Variants in RNLS observed in about 807,000 individuals in gnomAD.
RNLS encodes the protein renalase.
In RNLS, 39 loss-of-function variants were observed where a neutral mutation model predicts 39.8. The ratio of observed to expected loss-of-function variants is 0.98; its 90% CI spans 0.76 to 1.28. The LOEUF (loss-of-function observed/expected upper bound fraction) is 1.28, where lower values mean the gene tolerates loss of function less well. Among genes scored for constraint, RNLS ranks in the 50% most tolerant of loss-of-function variants. The pLI, the probability that RNLS is intolerant of heterozygous loss-of-function variation, is 0.00. For synonymous variants in RNLS, 147 were observed against 150.7 expected (o/e 0.98, Z 0.18); for missense variants, 410 against 413.3 (o/e 0.99, Z 0.07).
At chr10:88,360,125 C>T (rs1849521260) in intron 5 of RNLS, among the ~76,000 whole-genome samples, 1 of 152,200 alleles carries the variant, frequency 6.6e-6, no homozygotes, top group African/African-American at 2.4e-5. Context: ...CTTTACCTCC[C>T]ATATAAGATG....
intron 4 of RNLS, among the ~76,000 whole-genome samples, chr10:88,555,607 C>T (rs1261910024): frequency 6.6e-6 from 1 of 152,078 alleles, no homozygotes; most frequent in African/African-American, 2.4e-5. Context: ...CTTGTATAGC[C>T]CGCAGAACTG....
chr10:88,392,750 T>C (rs1386162111), intron 4 of RNLS, among the ~76,000 whole-genome samples: 1 of 152,150 alleles, frequency 6.6e-6, no homozygotes. Context: ...TTAGGAGACA[T>C]TCAAAGAAAC....
At chr10:88,522,253 T>C (rs1016634052) in intron 4 of RNLS, among the ~76,000 whole-genome samples, 10 of 152,078 alleles carry the variant, frequency 6.6e-5, no homozygotes, top group African/African-American at 2.2e-4. Flanking sequence ...TAAGCAGATG[T>C]TGAAGAAATA....
At chr10:88,495,932 T>G (rs1430293389) in intron 4 of RNLS, among the ~76,000 whole-genome samples, 2 of 152,068 alleles carry the variant, frequency 1.3e-5, no homozygotes, top group African/African-American at 4.8e-5. Context: ...CAGAACATAT[T>G]TGAAAAACTG....
intron 4 of RNLS, among the ~76,000 whole-genome samples, chr10:88,369,973 A>C (rs999559107): frequency 3.3e-5 from 5 of 152,188 alleles, no homozygotes; most frequent in Admixed American, 1.3e-4. Flanking sequence ...GGTGTGAGCC[A>C]GTGTGCCCAG....
the RNLS span, among the ~76,000 whole-genome samples, chr10:88,176,173 CTT>C: frequency 4.7e-4 from 69 of 146,968 alleles, no homozygotes; most frequent in East Asian, 2.6e-3. Context: ...CTTAGCCTAT[CTT>C]TTTTTTTTTT....
chr10:88,370,783 G>C (rs1850495360), intron 4 of RNLS, among the ~76,000 whole-genome samples: 1 of 152,148 alleles, frequency 6.6e-6, no homozygotes, highest in Non-Finnish European at 1.5e-5. Context: ...TCTCCTAGCA[G>C]ACCAGGAGAG....
chr10:88,246,528 G>A, the RNLS span, among the ~76,000 whole-genome samples: 1 of 149,340 alleles, frequency 6.7e-6, no homozygotes, highest in African/African-American at 2.4e-5. Context: ...TGCAGCAGTT[G>A]TTCTGAACTG....
intron 4 of RNLS, among the ~76,000 whole-genome samples, chr10:88,456,152 T>G (rs967900104): frequency 1.5e-4 from 23 of 152,304 alleles, no homozygotes; most frequent in African/African-American, 5.5e-4. Context: ...GTTATTTCCA[T>G]GCAATGTCTC....
At chr10:88,527,712 A>G (rs1297311241) in intron 4 of RNLS, among the ~76,000 whole-genome samples, 2 of 152,166 alleles carry the variant, frequency 1.3e-5, no homozygotes, top group Non-Finnish European at 1.5e-5. Flanking sequence ...TCCAGTTGGC[A>G]TTTTAGTTGT....
Position 88,284,970 on chromosome 10 carries a change from G to A in RNLS, c.*384C>T, listed in dbSNP as rs1332676403. The stretch of plus-strand genomic sequence containing the variant: ...ATCCGAAGACTTAAGATGGGGCTTT[G>A]ATAATGTGATTATTCTTTATTCAGA... On this transcript the variant is annotated 3_prime_UTR_variant, in exon 7 of 7. Transcript: ENST00000331772. 1 of 989,672 alleles carries A rather than the reference G, an allele frequency of 1.0e-6. No homozygotes were observed. The highest frequency in any genetic ancestry group is 1.2e-6 in the Non-Finnish European group (1 of 832,948). The allele number at this position is 989,672 out of a possible 1,614,324, so 61.3% of individuals were successfully genotyped here.
chr10:88,195,247 T>C, the RNLS span, among the ~76,000 whole-genome samples: 7 of 152,226 alleles, frequency 4.6e-5, no homozygotes, highest in African/African-American at 1.7e-4. Flanking sequence ...TAAAATGCAT[T>C]GTAATTGCTT....
At chr10:88,376,387 A>G (rs979320486) in intron 4 of RNLS, among the ~76,000 whole-genome samples, 6 of 152,212 alleles carry the variant, frequency 3.9e-5, no homozygotes, top group Admixed American at 2.0e-4. Context: ...TGGGAAATTG[A>G]ATTGAATGAT....
chr10:88,172,839 G>GTTTTTTTTTTTTTTTTT, the RNLS span, among the ~76,000 whole-genome samples: 3 of 31,508 alleles, frequency 9.5e-5, no homozygotes, highest in Non-Finnish European at 1.3e-4. Flanking sequence ...TGCATTTTGA[G>GTTTTTTTTTTTTTTTTT]TTGTTTTTTT....
intron 4 of RNLS, among the ~76,000 whole-genome samples, chr10:88,555,267 T>C (rs1848805224): frequency 6.6e-6 from 1 of 152,070 alleles, no homozygotes; most frequent in Admixed American, 6.6e-5. Context: ...ATTCCCAGCA[T>C]ACCATACAAA....
At chr10:88,455,993 A>G (rs1475494731) in intron 4 of RNLS, among the ~76,000 whole-genome samples, 1 of 152,228 alleles carries the variant, frequency 6.6e-6, no homozygotes, top group Non-Finnish European at 1.5e-5. Flanking sequence ...GGCTCAAGGG[A>G]TGGAAGAAGC....
At chr10:88,527,959 A>G (rs1182579280) in intron 4 of RNLS, among the ~76,000 whole-genome samples, 4 of 152,008 alleles carry the variant, frequency 2.6e-5, no homozygotes, top group Non-Finnish European at 4.4e-5. Context: ...ATAAAAGAAA[A>G]TTCAGCAGAA....
chr10:88,337,298 CG>C (rs937063058), intron 5 of RNLS, among the ~76,000 whole-genome samples: 27 of 152,262 alleles, frequency 1.8e-4, no homozygotes, highest in Admixed American at 1.6e-3. Context: ...GATGAGAGAA[CG>C]TCTGTGTGGT....
rs1354635117 is a variant in RNLS, at chr10:88,483,284, C to A, written c.526+89619G>T. The stretch of plus-strand genomic sequence containing the variant: ...GTCAGTTTTTTCTGGCTTTACAACC[C>A]CTTTTGGGAAAAGCATCTTCAAGCC... On this transcript the variant is annotated intron_variant, in intron 4 of 6. Coordinates refer to ENST00000331772, the MANE Select transcript of RNLS (RefSeq NM_001031709.3). Among the ~76,000 whole-genome samples, 4 of 152,098 alleles carry A rather than the reference C, an allele frequency of 2.6e-5. No homozygotes were observed. In the South Asian group the frequency reaches 8.3e-4, roughly 32 times the overall value.
Sources: gnomAD v4.1 joint callset for allele counts (sites outside exome capture counted in the v4.1 genomes callset) on GRCh38, gnomAD v4.1.1 for gene constraint, MANE v1.5 for transcripts, NCBI Gene and HGNC (gene_info 2026-07-23, HGNC 2026-07-21) for gene names.